The following UGT1A10 variants were observed in gnomAD, a reference collection of about 807,000 sequenced individuals.
UGT1A10 encodes the protein UDP-glucuronosyltransferase 1A10.
In UGT1A10, 49 loss-of-function variants were observed where a neutral mutation model predicts 45.8. That is an observed-to-expected ratio of 1.07 (90% CI 0.85 to 1.36). UGT1A10 has a LOEUF of 1.36. Ranked by LOEUF, UGT1A10 falls within the 40% of genes most tolerant of loss-of-function variation. UGT1A10 has a pLI of 0.00. For missense variants in UGT1A10, 745 were observed against 668.6 expected, an observed-to-expected ratio of 1.11 and a Z score of -1.26; for synonymous variants, 284 against 249.7, an observed-to-expected ratio of 1.14 and a Z score of -1.29.
At chr2:233,653,699 C>T (rs534984833) in intron 1 of UGT1A10, among the ~76,000 whole-genome samples, 4 of 152,278 alleles carry the variant, frequency 2.6e-5, no homozygotes, top group South Asian at 2.1e-4. Context: ...CGAGTTCAAG[C>T]GATTCTCCTG....
rs1400065654 is a variant in UGT1A10 at position 233,732,845 on chromosome 2, G to C, written c.856-34189G>C. 4.2e-5 allele frequency among the ~76,000 whole-genome samples: 5 copies of C among 119,428 alleles called. No individual in the cohort carries two copies. The East Asian group carries it at 1.3e-3, about 30-fold the overall frequency. 78.3% of individuals were successfully genotyped at this position (119,428 alleles called of 152,430 possible). A position where few individuals can be genotyped will look rare whatever the true frequency, so the allele number is the denominator to read the frequency against. On this transcript the variant is annotated intron_variant, in intron 1 of 4. Coordinates refer to ENST00000344644, the MANE Select transcript of UGT1A10 (RefSeq NM_019075.4). ...CTTTAAAGTAGTTTTTTCCAATTTTGTGAAGTCATTGGTAGCTTGATGGGT... is the reference window on the plus strand; with the variant it reads ...CTTTAAAGTAGTTTTTTCCAATTTTCTGAAGTCATTGGTAGCTTGATGGGT...
intron 1 of UGT1A10, chr2:233,742,939 C>T (rs750908913): frequency 4.7e-6 from 1 of 212,356 alleles, no homozygotes; most frequent in Non-Finnish European, 9.5e-6. Context: ...TTCTGTCCTA[C>T]CACTAGCAAA....
At chr2:233,715,057 T>G (rs1032772184) in intron 1 of UGT1A10, among the ~76,000 whole-genome samples, 3 of 152,140 alleles carry the variant, frequency 2.0e-5, no homozygotes, top group African/African-American at 2.4e-5. Context: ...TCTTTTTTTT[T>G]GTATTTTTTA....
intron 1 of UGT1A10, among the ~76,000 whole-genome samples, chr2:233,674,739 T>G (rs1327619625): frequency 6.6e-6 from 1 of 152,192 alleles, no homozygotes; most frequent in Non-Finnish European, 1.5e-5. Flanking sequence ...TTACATATAT[T>G]AATGTATGTA....
At chr2:233,655,571 T>C (rs1202514283) in intron 1 of UGT1A10, among the ~76,000 whole-genome samples, 2 of 152,070 alleles carry the variant, frequency 1.3e-5, no homozygotes. Context: ...CATCTTGTCC[T>C]AGAAAAACTG....
At chr2:233,668,035 G>A (rs924754723) in intron 1 of UGT1A10, among the ~76,000 whole-genome samples, 6 of 149,228 alleles carry the variant, frequency 4.0e-5, no homozygotes, top group African/African-American at 5.0e-5. Flanking sequence ...TTCCCCTATT[G>A]CTAAATGTTA....
intron 1 of UGT1A10, among the ~76,000 whole-genome samples, chr2:233,656,016 A>G (rs2073845974): frequency 6.6e-6 from 1 of 152,140 alleles, no homozygotes; most frequent in Non-Finnish European, 1.5e-5. Context: ...GCTGGGAAGC[A>G]TGACCTCTGG....
At chr2:233,651,307 C>CT (rs1179392244) in intron 1 of UGT1A10, among the ~76,000 whole-genome samples, 6 of 152,276 alleles carry the variant, frequency 3.9e-5, no homozygotes, top group African/African-American at 1.4e-4. Context: ...ACCCAGAGGG[C>CT]TTCCGAGATA....
chr2:233,719,067 C>T (rs769802516), intron 1 of UGT1A10: 180 of 1,614,260 alleles, frequency 1.1e-4, no homozygotes, highest in East Asian at 4.0e-4. Flanking sequence ...CTATGCTGTT[C>T]CATGGACCCA....
At chr2:233,729,508 T>G in intron 1 of UGT1A10, 2 of 1,614,204 alleles carry the variant, frequency 1.2e-6, no homozygotes. Context: ...TCATAGGTCT[T>G]GTGTGGAGCT....
chr2:233,682,538 A>G, intron 1 of UGT1A10: 6 of 1,613,908 alleles, frequency 3.7e-6, no homozygotes, highest in Non-Finnish European at 5.1e-6. Flanking sequence ...CTCAGACGCC[A>G]TGACTTTCAA....
intron 1 of UGT1A10, among the ~76,000 whole-genome samples, chr2:233,678,577 C>G (rs2074422064): frequency 1.3e-5 from 2 of 152,094 alleles, no homozygotes; most frequent in South Asian, 4.1e-4. Flanking sequence ...TCCTTCTTCC[C>G]CATTTGCTTT....
At chr2:233,689,461 A>G (rs1259384419) in intron 1 of UGT1A10, among the ~76,000 whole-genome samples, 1 of 152,230 alleles carries the variant, frequency 6.6e-6, no homozygotes, top group African/African-American at 2.4e-5. Context: ...ACATTTTAGG[A>G]AAACAGAAGT....
rs780016114 is a variant in UGT1A10, at chr2:233,760,397, G to T, written c.856-6637G>T. 2.0e-5 allele frequency: 33 copies of T among 1,614,006 alleles called. No homozygotes were observed. The highest frequency in any genetic ancestry group is 2.7e-5 in the Non-Finnish European group (32 of 1,180,022). The stretch of plus-strand genomic sequence containing the variant: ...AAGATACTGTTGATCCCAGTGGATG[G>T]CAGCCACTGGCTGAGCATGCTTGGG... On this transcript the variant is annotated intron_variant, in intron 1 of 4. Coordinates refer to ENST00000344644, the MANE Select transcript of UGT1A10 (RefSeq NM_019075.4).
At chr2:233,730,495 C>G (rs755045545) in intron 1 of UGT1A10, among the ~76,000 whole-genome samples, 1 of 152,092 alleles carries the variant, frequency 6.6e-6, no homozygotes, top group African/African-American at 2.4e-5. Context: ...ATAGAAGTGT[C>G]AGAGAGGTTG....
At chr2:233,750,125 A>G (rs1331571759) in intron 1 of UGT1A10, among the ~76,000 whole-genome samples, 47 of 151,914 alleles carry the variant, frequency 3.1e-4, no homozygotes, top group Admixed American at 3.1e-3. Flanking sequence ...AAGATGTGGG[A>G]AAGTTTGGAA....
At chr2:233,770,476 A>T (rs1030894944) in intron 4 of UGT1A10, 3 of 152,132 alleles carry the variant, frequency 2.0e-5, no homozygotes, top group African/African-American at 7.2e-5. Flanking sequence ...CAACATGAAG[A>T]AACCTTATCT....
rs886043066 is a variant in UGT1A10 at position 233,768,310 on chromosome 2, C to T, written c.1166C>T (p.Pro389Leu). 74 of 1,613,942 alleles carry T rather than the reference C, an allele frequency of 4.6e-5. No homozygotes were observed. Among genetic ancestry groups the T allele is most frequent in the Non-Finnish European group, 6.2e-5 (73 of 1,180,026 alleles). The change falls in exon 4 of 5, where the codon CCC becomes CTC. Residue 389 changes from proline to leucine, a missense_variant. Pro to Leu is a moderately conservative substitution (Grantham distance 98). Coordinates refer to ENST00000344644, the MANE Select transcript of UGT1A10 (RefSeq NM_019075.4). ...ICNGVPMVMM[P>L]LFGDQMDNAK... Reference sequence around the variant, plus strand: ...AATGGCGTTCCCATGGTGATGATGCCCTTGTTTGGTGATCAGATGGACAAT... The same window carrying T: ...AATGGCGTTCCCATGGTGATGATGCTCTTGTTTGGTGATCAGATGGACAAT...
At chr2:233,720,432 T>G (rs1054639821) in intron 1 of UGT1A10, among the ~76,000 whole-genome samples, 2 of 151,984 alleles carry the variant, frequency 1.3e-5, no homozygotes, top group Non-Finnish European at 2.9e-5. Flanking sequence ...GATAAGACCG[T>G]GAATCTATAA....
Sources: allele counts gnomAD v4.1 joint callset (sites outside exome capture counted in the v4.1 genomes callset), GRCh38; gene constraint gnomAD v4.1.1; transcripts MANE v1.5; gene names NCBI Gene and HGNC (gene_info 2026-07-23, HGNC 2026-07-21).